Variants in CRADD observed in about 807,000 individuals in gnomAD.
CRADD encodes CARD and death domain containing adaptor protein, also known as death domain-containing protein CRADD.
Under a neutral mutation model 15.5 loss-of-function variants are expected in CRADD, and 9 were observed. The ratio of observed to expected loss-of-function variants is 0.58; its 90% confidence interval spans 0.35 to 1.01. The LOEUF (loss-of-function observed/expected upper bound fraction) is 1.01. Ranked by LOEUF, CRADD falls within the 50% of genes least tolerant of loss-of-function variation. The pLI is 0.02. For synonymous variants in CRADD, 118 were observed against 107.6 expected, an observed-to-expected ratio of 1.10 and a Z score of -0.60; for missense variants, 227 against 250.3, an observed-to-expected ratio of 0.91 and a Z score of 0.63.
At chr12:93,787,128 ATT>A (rs11315592) in intron 2 of CRADD, among the ~76,000 whole-genome samples, 25,366 of 107,494 alleles carry the variant, frequency 0.24, 2,802 homozygotes, top group East Asian at 0.45. Context: ...TCTGCTGAAG[ATT>A]TTTTTTTTTT....
chr12:93,812,610 AG>A, intron 2 of CRADD, among the ~76,000 whole-genome samples: 1 of 152,192 alleles, frequency 6.6e-6, no homozygotes, highest in Non-Finnish European at 1.5e-5. Context: ...TTTTCATTAA[AG>A]GTGATATTAT....
At chr12:93,880,539 A>T (rs1273822830) in intron 2 of CRADD, among the ~76,000 whole-genome samples, 2 of 152,194 alleles carry the variant, frequency 1.3e-5, no homozygotes, top group Non-Finnish European at 2.9e-5. Flanking sequence ...GCTTCTTCTA[A>T]CATTTTTCAT....
At chr12:93,692,119 C>T (rs997697409) in intron 2 of CRADD, among the ~76,000 whole-genome samples, 1 of 151,798 alleles carries the variant, frequency 6.6e-6, no homozygotes, top group Admixed American at 6.6e-5. Context: ...GTATCAACAG[C>T]AGAATTAATC....
chr12:93,744,836 T>G (rs1956728138), intron 2 of CRADD, among the ~76,000 whole-genome samples: 1 of 152,240 alleles, frequency 6.6e-6, no homozygotes, highest in Admixed American at 6.5e-5. Context: ...TTTTTCTACC[T>G]TGCAAAATCT....
chr12:93,743,842 A>T (rs192590492), intron 2 of CRADD, among the ~76,000 whole-genome samples: 1 of 151,578 alleles, frequency 6.6e-6, no homozygotes, highest in East Asian at 1.9e-4. Flanking sequence ...TGTTAGCAAC[A>T]TTTTTTTTTA....
At chr12:93,789,806 A>C (rs931981818) in intron 2 of CRADD, among the ~76,000 whole-genome samples, 3 of 152,202 alleles carry the variant, frequency 2.0e-5, no homozygotes, top group Non-Finnish European at 4.4e-5. Context: ...ATGCTGAAAG[A>C]AGGGAAAATT....
intron 2 of CRADD, among the ~76,000 whole-genome samples, chr12:93,760,983 C>T (rs960641143): frequency 6.6e-6 from 1 of 151,822 alleles, no homozygotes; most frequent in Non-Finnish European, 1.5e-5. Context: ...GTAAGGTGGG[C>T]ATGTGAGATA....
intron 2 of CRADD, among the ~76,000 whole-genome samples, chr12:93,777,602 T>C (rs1957154174): frequency 6.6e-6 from 1 of 152,188 alleles, no homozygotes; most frequent in South Asian, 2.1e-4. Context: ...AAGCTCTTTC[T>C]ATATAGTGGA....
intron 2 of CRADD, chr12:93,893,991 A>G (rs1958594770): frequency 1.4e-6 from 1 of 702,070 alleles, no homozygotes; most frequent in African/African-American, 1.7e-5. Flanking sequence ...CACCACACAC[A>G]TTAGCTCAGC....
chr12:93,750,348 G>A (rs535496687), intron 2 of CRADD, among the ~76,000 whole-genome samples: 4 of 152,284 alleles, frequency 2.6e-5, no homozygotes, highest in South Asian at 4.2e-4. Context: ...GTAGTAGAGC[G>A]TTGTCTAACA....
At chr12:93,753,896 G>A (rs970682371) in intron 2 of CRADD, among the ~76,000 whole-genome samples, 4 of 152,192 alleles carry the variant, frequency 2.6e-5, no homozygotes, top group Non-Finnish European at 4.4e-5. Flanking sequence ...GGAGGGCGTG[G>A]CCCTCTTCTC....
At chr12:93,684,687 T>C (rs1428045862) in intron 2 of CRADD, among the ~76,000 whole-genome samples, 2 of 152,154 alleles carry the variant, frequency 1.3e-5, no homozygotes. Context: ...TGAAGAGCGC[T>C]ATGAAGAGAA....
chr12:93,712,796 G>T (rs561037982), intron 2 of CRADD, among the ~76,000 whole-genome samples: 1 of 152,276 alleles, frequency 6.6e-6, no homozygotes, highest in South Asian at 2.1e-4. Flanking sequence ...TTCTAGAATG[G>T]GTTATTAAAA....
intron 2 of CRADD, among the ~76,000 whole-genome samples, chr12:93,710,441 GTTCAAGCGA>G (rs1405425141): frequency 6.6e-6 from 1 of 151,476 alleles, no homozygotes; most frequent in Non-Finnish European, 1.5e-5. Context: ...TGCCTCCTGG[GTTCAAGCGA>G]TTCTCCTTCC....
At chr12:93,691,284 A>T (rs1592888719) in intron 2 of CRADD, among the ~76,000 whole-genome samples, 2 of 144,004 alleles carry the variant, frequency 1.4e-5, no homozygotes. Flanking sequence ...ACAGAGTTTT[A>T]CTCTCGTCGC....
chr12:93,749,313 T>C (rs1204222575), intron 2 of CRADD, among the ~76,000 whole-genome samples: 1 of 152,148 alleles, frequency 6.6e-6, no homozygotes, highest in East Asian at 1.9e-4. Flanking sequence ...CAGAAAGTCA[T>C]ATTGTTGGAG....
At chr12:93,761,538 G>C (rs1305793678) in intron 2 of CRADD, among the ~76,000 whole-genome samples, 4 of 152,122 alleles carry the variant, frequency 2.6e-5, no homozygotes, top group Non-Finnish European at 4.4e-5. Flanking sequence ...TATAGAATTA[G>C]GGACGACGAA....
chr12:93,783,435 T>C (rs1957235366), intron 2 of CRADD, among the ~76,000 whole-genome samples: 1 of 151,918 alleles, frequency 6.6e-6, no homozygotes, highest in South Asian at 2.1e-4. Context: ...TTTTTAATTT[T>C]GTTTATGGAT....
chr12:93,698,111 C>T (rs1358965786), intron 2 of CRADD, among the ~76,000 whole-genome samples: 1 of 152,074 alleles, frequency 6.6e-6, no homozygotes, highest in South Asian at 2.1e-4. Flanking sequence ...AAGGGAGAAT[C>T]GGGAGAATTG....
Sources: allele counts gnomAD v4.1 joint callset (sites outside exome capture counted in the v4.1 genomes callset), GRCh38; gene constraint gnomAD v4.1.1; transcripts MANE v1.5; gene names NCBI Gene and HGNC (gene_info 2026-07-23, HGNC 2026-07-21).